FRMPD1: variants seen among roughly 807,000 people sequenced by gnomAD.
FRMPD1 encodes the protein FERM and PDZ domain containing 1, also known as FERM and PDZ domain-containing protein 1.
Under a neutral mutation model 117.8 loss-of-function variants are expected in FRMPD1, and 76 were observed. That is an observed-to-expected ratio of 0.65 (90% CI 0.54 to 0.78). The LOEUF (loss-of-function observed/expected upper bound fraction) is 0.78. Ranked by LOEUF, FRMPD1 falls within the 30% of genes least tolerant of loss-of-function variation. The pLI, the probability that FRMPD1 is intolerant of heterozygous loss-of-function variation, is 0.00. For missense variants in FRMPD1, 1,786 were observed against 1,964.5 expected (o/e 0.91, Z 1.72); for synonymous variants, 783 against 770.4 (o/e 1.02, Z -0.27).
intron 1 of FRMPD1, among the ~76,000 whole-genome samples, chr9:37,665,564 A>G (rs1174939063): frequency 1.3e-5 from 2 of 152,168 alleles, no homozygotes; most frequent in African/African-American, 4.8e-5. Flanking sequence ...AACTTCTGAA[A>G]TTATTTTTTC....
At chr9:37,737,985 A>G (rs1010754574) in intron 14 of FRMPD1, among the ~76,000 whole-genome samples, 1 of 152,206 alleles carries the variant, frequency 6.6e-6, no homozygotes, top group Non-Finnish European at 1.5e-5. Context: ...CAGGTAAGAC[A>G]GTTTCCTAGG....
intron 2 of FRMPD1, among the ~76,000 whole-genome samples, chr9:37,699,758 T>A (rs1230138089): frequency 2.0e-5 from 3 of 152,216 alleles, no homozygotes; most frequent in Non-Finnish European, 4.4e-5. Context: ...AAAAGATATT[T>A]CTTTTAACTT....
chr9:37,742,256 C>T (rs1054048177), intron 15 of FRMPD1, among the ~76,000 whole-genome samples: 9 of 152,258 alleles, frequency 5.9e-5, no homozygotes, highest in African/African-American at 1.9e-4. Flanking sequence ...CAACCACTTT[C>T]CATGCCCCAG....
intron 1 of FRMPD1, among the ~76,000 whole-genome samples, chr9:37,656,181 A>T (rs1313774484): frequency 6.6e-6 from 1 of 152,174 alleles, no homozygotes. Flanking sequence ...TATCGGATTG[A>T]CAAAAGCCTG....
At chr9:37,626,960 G>GT in the FRMPD1 span, among the ~76,000 whole-genome samples, 2 of 152,116 alleles carry the variant, frequency 1.3e-5, no homozygotes, top group Non-Finnish European at 2.9e-5. Context: ...GCAAGTGATT[G>GT]TAAGTGTGTC....
chr9:37,709,925 A>C (rs1298168856), intron 4 of FRMPD1, among the ~76,000 whole-genome samples: 1 of 152,176 alleles, frequency 6.6e-6, no homozygotes, highest in Non-Finnish European at 1.5e-5. Flanking sequence ...GGGATGCATG[A>C]CTTGAGGTGT....
chr9:37,655,496 CT>C lies in FRMPD1; in HGVS notation c.-5+4427del, dbSNP rs10615941. Among the ~76,000 whole-genome samples the C allele has an allele frequency of 2.8e-3, 250 of 88,574 alleles. 1 individual carries two copies. The highest frequency in any genetic ancestry group is 0.024 in the East Asian group (49 of 2,038). 58.1% of individuals were successfully genotyped at this position (88,574 alleles called of 152,430 possible). A position where few individuals can be genotyped will look rare whatever the true frequency, so the allele number is the denominator to read the frequency against. Reference sequence around the variant, plus strand: ...CCCTCCTCTGCACCATGTCCCCACTCTTTTTTTTTTTTTTTTTTTTTTTTTG... The same window carrying C: ...CCCTCCTCTGCACCATGTCCCCACTCTTTTTTTTTTTTTTTTTTTTTTTTG... On this transcript the variant is annotated intron_variant, in intron 1 of 15. Transcript: ENST00000377765.
chr9:37,707,646 C>T (rs1343974367), intron 3 of FRMPD1, 73 bp downstream of exon 3: 2 of 1,234,686 alleles, frequency 1.6e-6, no homozygotes, highest in African/African-American at 1.5e-5. Flanking sequence ...TCCCCGATCT[C>T]TCTATCCTAT....
chr9:37,608,386 C>CT, the FRMPD1 span, among the ~76,000 whole-genome samples: 59,250 of 148,676 alleles, frequency 0.4, 12,626 homozygotes, highest in East Asian at 0.76. Flanking sequence ...CTCTTTCTTT[C>CT]TTTTTTTTTT....
chr9:37,647,081 G>A (rs1432137551), upstream of FRMPD1, among the ~76,000 whole-genome samples: 1 of 152,156 alleles, frequency 6.6e-6, no homozygotes, highest in Non-Finnish European at 1.5e-5. Context: ...GAGAGACTCA[G>A]AGAGGGACAA....
chr9:37,637,300 G>T, the FRMPD1 span: 1 of 1,388,318 alleles, frequency 7.2e-7, no homozygotes, highest in Non-Finnish European at 1.0e-6. Context: ...TCATGGCGGC[G>T]GCGGAAGCCC....
intron 1 of FRMPD1, among the ~76,000 whole-genome samples, chr9:37,690,435 C>G (rs887261106): frequency 6.6e-6 from 1 of 151,844 alleles, no homozygotes. Context: ...TCTGTTTCTT[C>G]TGAATTTTTC....
chr9:37,685,095 A>G (rs1433116965), intron 1 of FRMPD1, among the ~76,000 whole-genome samples: 1 of 152,150 alleles, frequency 6.6e-6, no homozygotes, highest in Non-Finnish European at 1.5e-5. Context: ...GCACTTGTAA[A>G]ACTTTTACAT....
At chr9:37,637,328 C>A in the FRMPD1 span, 3 of 1,032,016 alleles carry the variant, frequency 2.9e-6, no homozygotes, top group South Asian at 2.5e-5. Context: ...CGCTCCCAGT[C>A]GGCTCTGCTC....
intron 1 of FRMPD1, among the ~76,000 whole-genome samples, chr9:37,687,495 C>T (rs989371174): frequency 1.3e-5 from 2 of 152,160 alleles, no homozygotes; most frequent in Non-Finnish European, 2.9e-5. Context: ...CCAACGGACT[C>T]GATCCTAGAG....
At chr9:37,679,976 T>G (rs1042402165) in intron 1 of FRMPD1, among the ~76,000 whole-genome samples, 2 of 152,226 alleles carry the variant, frequency 1.3e-5, no homozygotes, top group Non-Finnish European at 2.9e-5. Flanking sequence ...GGTGTTCGTT[T>G]CAGCCCTTTC....
chr9:37,715,691 G>A (rs773802165), intron 5 of FRMPD1: 1 of 456,232 alleles, frequency 2.2e-6, no homozygotes, highest in Non-Finnish European at 4.4e-6. Flanking sequence ...GTGTAAGTAG[G>A]TGGTTTATAA....
In FRMPD1 at chr9:37,698,549, C is replaced by CT. The variant is rs531498194; in HGVS notation, c.101+5837dup. On this transcript the variant is annotated intron_variant, in intron 2 of 15. Transcript: ENST00000377765. ...ACAATAGTATTATGCATCTCATTAT[C>CT]TTTTTTTTTTTTTTTTTTTTTTTTT... Among the ~76,000 whole-genome samples the CT allele has an allele frequency of 4.1e-3, 307 of 74,600 alleles. 34 individuals are homozygous for CT. The highest frequency in any genetic ancestry group is 0.011 in the African/African-American group (171 of 14,962). The allele number at this position is 74,600 out of a possible 152,430, so 48.9% of individuals were successfully genotyped here. A position where few individuals can be genotyped will look rare whatever the true frequency, so the allele number is the denominator to read the frequency against.
rs1432526803 is a variant in FRMPD1, at chr9:37,719,185, C to T, written c.516+9C>T. 1 of 1,526,252 alleles carries T rather than the reference C, an allele frequency of 6.6e-7. No individual in the cohort carries two copies. The highest frequency in any genetic ancestry group is 1.4e-5 in the African/African-American group (1 of 73,274). 94.5% of individuals were successfully genotyped at this position (1,526,252 alleles called of 1,614,324 possible). A position where few individuals can be genotyped will look rare whatever the true frequency, so the allele number is the denominator to read the frequency against. On this transcript the variant is annotated intron_variant, in intron 6 of 15. Coordinates refer to ENST00000377765, the MANE Select transcript of FRMPD1 (RefSeq NM_014907.3). ...TCAGTGGACACAGCCAGGTGTGTCA[C>T]TAGTCAAGGGATTGAAATTATGAAG... is the stretch of plus-strand genomic sequence containing the variant.
Sources: gnomAD v4.1 joint callset for allele counts (sites outside exome capture counted in the v4.1 genomes callset) on GRCh38, gnomAD v4.1.1 for gene constraint, MANE v1.5 for transcripts, NCBI Gene and HGNC (gene_info 2026-07-23, HGNC 2026-07-21) for gene names.